Variants in CREB5 observed in about 807,000 individuals in gnomAD.
CREB5 encodes the protein cAMP responsive element binding protein 5.
A neutral mutation model predicts 57.1 loss-of-function variants in CREB5; 19 were observed. The observed-to-expected ratio is 0.33, with a 90% CI of 0.23 to 0.49. The LOEUF (loss-of-function observed/expected upper bound fraction) is 0.49, where lower values mean the gene tolerates loss of function less well. CREB5 is among the 20% of genes least tolerant of loss of function. The probability of loss-of-function intolerance (pLI) is 0.99; values close to 1 mark genes in which losing one functional copy is unlikely to be tolerated. For missense variants in CREB5, 579 were observed against 671.6 expected (o/e 0.86, Z 1.52); for synonymous variants, 238 against 238.3 (o/e 1.00, Z 0.01).
intron 5 of CREB5, among the ~76,000 whole-genome samples, chr7:28,609,726 G>T (rs79770072): frequency 1.3e-5 from 2 of 152,308 alleles, no homozygotes; most frequent in East Asian, 3.9e-4. Context: ...GGGAAGAGTG[G>T]ATACTGAGCT....
intron 1 of CREB5, among the ~76,000 whole-genome samples, chr7:28,407,036 C>CT (rs200747872): frequency 0.034 from 5,136 of 150,904 alleles, 134 homozygotes; most frequent in Non-Finnish European, 0.05. Context: ...AAACACAATT[C>CT]TTTTTTTTCT....
At chr7:28,639,620 G>A (rs902997226) in intron 5 of CREB5, among the ~76,000 whole-genome samples, 8 of 152,016 alleles carry the variant, frequency 5.3e-5, no homozygotes, top group South Asian at 2.1e-4. Flanking sequence ...AGTGCAGGCC[G>A]GGCACTAATC....
chr7:28,491,934 T>C (rs948278355), intron 2 of CREB5, among the ~76,000 whole-genome samples: 5 of 152,196 alleles, frequency 3.3e-5, no homozygotes, highest in Non-Finnish European at 7.3e-5. Context: ...TTTTCCCTCA[T>C]GGGAAAGAAA....
At chr7:28,560,909 C>CGTGTGTGTGTGTGTGTGTGTGTGT (rs1268332483) in intron 4 of CREB5, among the ~76,000 whole-genome samples, 1 of 32,656 alleles carries the variant, frequency 3.1e-5, no homozygotes, top group Non-Finnish European at 5.6e-5. Context: ...TGCGCGCGTG[C>CGTGTGTGTGTGTGTGTGTGTGTGT]GTGTGCGTGT....
chr7:28,743,845 T>TC (rs1804527909), intron 7 of CREB5, among the ~76,000 whole-genome samples: 2 of 142,908 alleles, frequency 1.4e-5, no homozygotes, highest in African/African-American at 5.2e-5. Flanking sequence ...TTTCTTTTTT[T>TC]TTTTTTTTTT....
upstream of CREB5, among the ~76,000 whole-genome samples, chr7:28,408,436 G>A (rs997625826): frequency 1.3e-5 from 2 of 152,148 alleles, no homozygotes; most frequent in African/African-American, 2.4e-5. Flanking sequence ...TGATGGTGAC[G>A]GCCGGATACT....
chr7:28,354,842 G>A (rs1411545852), intron 1 of CREB5, among the ~76,000 whole-genome samples: 1 of 152,184 alleles, frequency 6.6e-6, no homozygotes, highest in Admixed American at 6.5e-5. Flanking sequence ...CTCACTAGGA[G>A]GCTGTGTAAG....
intron 1 of CREB5, among the ~76,000 whole-genome samples, chr7:28,468,640 T>G (rs747083044): frequency 1.3e-5 from 2 of 152,212 alleles, no homozygotes; most frequent in Admixed American, 6.5e-5. Context: ...TCTTCTGCAC[T>G]CTCATCGTCT....
intron 1 of CREB5, among the ~76,000 whole-genome samples, chr7:28,347,891 C>G (rs1426291042): frequency 6.6e-6 from 1 of 152,206 alleles, no homozygotes; most frequent in South Asian, 2.1e-4. Context: ...ATTCAAACCA[C>G]TTGTAAGCAG....
chr7:28,517,106 A>T (rs186566635), intron 4 of CREB5, among the ~76,000 whole-genome samples: 100 of 152,364 alleles, frequency 6.6e-4, no homozygotes, highest in Admixed American at 1.8e-3. Flanking sequence ...AGAAAACAGC[A>T]TTCACATTTG....
chr7:28,405,351 G>A (rs2128000353), intron 1 of CREB5, among the ~76,000 whole-genome samples: 1 of 152,310 alleles, frequency 6.6e-6, no homozygotes, highest in East Asian at 1.9e-4. Flanking sequence ...TGGGCAGAAG[G>A]GATGAGGAGA....
intron 1 of CREB5, among the ~76,000 whole-genome samples, chr7:28,448,608 A>AT (rs763579756): frequency 6.6e-6 from 1 of 152,194 alleles, no homozygotes; most frequent in Non-Finnish European, 1.5e-5. Flanking sequence ...TATTGAGGTG[A>AT]ATCTTTAACC....
rs200938763 is a variant in CREB5, at chr7:28,819,270, G to T, written c.1518G>T (p.Pro506=). 5 of 1,612,654 alleles carry T rather than the reference G, an allele frequency of 3.1e-6. No individual in the cohort carries two copies. The highest frequency in any genetic ancestry group is 2.7e-5 in the African/African-American group (2 of 74,814). Residue 506 remains proline (P), a synonymous_variant, in exon 11 of 11, where the codon CCG becomes CCT. Coordinates refer to ENST00000357727, the MANE Select transcript of CREB5 (RefSeq NM_182898.4). The part of the protein sequence containing the change: ...QLTTHRTDLN[P]IL ...CCACTCACAGAACAGACCTGAATCC[G>T]ATTCTTTAAAATGCACCATCAGACC...
chr7:28,812,802 T>C (rs1254433067), intron 9 of CREB5, among the ~76,000 whole-genome samples: 1 of 152,160 alleles, frequency 6.6e-6, no homozygotes, highest in Non-Finnish European at 1.5e-5. Context: ...AAGGTGTCTC[T>C]CTTGAGGCTG....
chr7:28,399,320 T>G (rs1234136507), intron 1 of CREB5, among the ~76,000 whole-genome samples: 1 of 150,622 alleles, frequency 6.6e-6, no homozygotes, highest in East Asian at 1.9e-4. Context: ...GGAAAATGGC[T>G]TCAGTCAACA....
intron 1 of CREB5, among the ~76,000 whole-genome samples, chr7:28,309,464 C>T (rs1337925379): frequency 2.0e-5 from 3 of 152,148 alleles, no homozygotes; most frequent in Non-Finnish European, 2.9e-5. Context: ...GTCCACTTTC[C>T]TCTGTATTTC....
intron 7 of CREB5, among the ~76,000 whole-genome samples, chr7:28,770,830 T>C (rs550438861): frequency 6.6e-6 from 1 of 152,274 alleles, no homozygotes; most frequent in East Asian, 1.9e-4. Context: ...AAACTTTCAG[T>C]TATAGAATGA....
intron 4 of CREB5, among the ~76,000 whole-genome samples, chr7:28,509,991 G>T (rs1056506477): frequency 2.0e-5 from 3 of 152,186 alleles, no homozygotes; most frequent in Non-Finnish European, 4.4e-5. Flanking sequence ...AGGTGGCCAT[G>T]GTTACACGAG....
intron 1 of CREB5, among the ~76,000 whole-genome samples, chr7:28,313,786 A>G (rs546164075): frequency 6.6e-6 from 1 of 152,348 alleles, no homozygotes; most frequent in African/African-American, 2.4e-5. Flanking sequence ...AACGAAATGC[A>G]TATTTTGGCA....
Sources: gnomAD v4.1 joint callset for allele counts (sites outside exome capture counted in the v4.1 genomes callset) on GRCh38, gnomAD v4.1.1 for gene constraint, MANE v1.5 for transcripts, NCBI Gene and HGNC (gene_info 2026-07-23, HGNC 2026-07-21) for gene names.